DAB1: variants seen among roughly 807,000 people sequenced by gnomAD.
The protein encoded by DAB1 is disabled homolog 1.
Under a neutral mutation model 64.6 loss-of-function variants are expected in DAB1, and 15 were observed. That is an observed-to-expected ratio of 0.23 (90% CI 0.16 to 0.36). The LOEUF is 0.36. DAB1 is among the 10% of genes least tolerant of loss of function. The probability of loss-of-function intolerance (pLI) is 1.00; values close to 1 mark genes in which losing one functional copy is unlikely to be tolerated. For missense variants in DAB1, 596 were observed against 706.7 expected (o/e 0.84, Z 1.78); for synonymous variants, 235 against 251.9 (o/e 0.93, Z 0.64).
intron 7 of DAB1, among the ~76,000 whole-genome samples, chr1:57,581,638 T>G (rs1047135457): frequency 2.0e-5 from 3 of 150,902 alleles, no homozygotes; most frequent in Non-Finnish European, 4.4e-5. Context: ...CACGAAATAT[T>G]TATACACAAC....
intron 5 of DAB1, among the ~76,000 whole-genome samples, chr1:57,981,886 C>T (rs1338102841): frequency 1.3e-5 from 2 of 152,126 alleles, no homozygotes; most frequent in Non-Finnish European, 2.9e-5. Flanking sequence ...TTCTCTTAAC[C>T]CACTTGCTTT....
At chr1:57,133,607 G>A (rs1224024032) in intron 4 of DAB1, among the ~76,000 whole-genome samples, 1 of 152,158 alleles carries the variant, frequency 6.6e-6, no homozygotes, top group Non-Finnish European at 1.5e-5. Context: ...ATAAGGATTG[G>A]GATCAGGAGT....
At chr1:58,079,611 C>T (rs773003251) in intron 5 of DAB1, among the ~76,000 whole-genome samples, 13 of 147,180 alleles carry the variant, frequency 8.8e-5, no homozygotes, top group Non-Finnish European at 1.6e-4. Flanking sequence ...CAACCTCTGC[C>T]TCCCGGTTCA....
At chr1:58,423,056 T>C (rs1644787749) in intron 3 of DAB1, among the ~76,000 whole-genome samples, 1 of 152,092 alleles carries the variant, frequency 6.6e-6, no homozygotes, top group Admixed American at 6.5e-5. Context: ...ATCCCCCTTC[T>C]CCATCATACC....
chr1:58,477,944 A>G (rs1001638946), intron 3 of DAB1, among the ~76,000 whole-genome samples: 2 of 152,164 alleles, frequency 1.3e-5, no homozygotes, highest in South Asian at 4.1e-4. Flanking sequence ...TCCGTGATCT[A>G]TAATAGGGCA....
chr1:57,233,088 A>T (rs1261837988), intron 2 of DAB1, among the ~76,000 whole-genome samples: 1 of 151,804 alleles, frequency 6.6e-6, no homozygotes, highest in Non-Finnish European at 1.5e-5. Flanking sequence ...AACCGGAAAG[A>T]CTCTGGCATC....
intron 7 of DAB1, among the ~76,000 whole-genome samples, chr1:57,490,993 T>C (rs896891816): frequency 2.6e-5 from 4 of 152,242 alleles, no homozygotes; most frequent in African/African-American, 9.6e-5. Context: ...TCTTGCCACA[T>C]GCAGAGAAGG....
chr1:57,592,414 T>C (rs1645456326), intron 7 of DAB1, among the ~76,000 whole-genome samples: 1 of 152,024 alleles, frequency 6.6e-6, no homozygotes, highest in Non-Finnish European at 1.5e-5. Context: ...GTGCCCCCAT[T>C]TGAAAAGCAG....
intron 6 of DAB1, among the ~76,000 whole-genome samples, chr1:57,700,931 C>A (rs1358867124): frequency 1.3e-5 from 2 of 152,008 alleles, no homozygotes; most frequent in Admixed American, 6.6e-5. Context: ...TCCATTTATG[C>A]AGCCAAAAAA....
At position 57,418,960 on chromosome 1, in the gene DAB1, G is replaced by A. The variant is rs537764000; in HGVS notation, c.-137+4970C>T. 2.6e-5 allele frequency among the ~76,000 whole-genome samples: 4 copies of A among 152,226 alleles called. No homozygotes were observed. The South Asian group carries it at 8.3e-4, about 32-fold the overall frequency. On this transcript the variant is annotated intron_variant, in intron 1 of 14. Coordinates refer to ENST00000371236, the MANE Select transcript of DAB1 (RefSeq NM_001365792.1). ...TCCAATCAGAGGGAAATATCCAGGT[G>A]ATTAATTTGATTAATGAGTTGTTTT...
intron 5 of DAB1, among the ~76,000 whole-genome samples, chr1:57,892,889 A>G (rs971027583): frequency 1.1e-4 from 16 of 152,216 alleles, no homozygotes; most frequent in Middle Eastern, 3.4e-3. Context: ...CAACTTTTCC[A>G]ACCTTCTCTG....
intron 4 of DAB1, among the ~76,000 whole-genome samples, chr1:57,082,654 C>G (rs747649734): frequency 3.9e-5 from 6 of 152,104 alleles, no homozygotes; most frequent in Non-Finnish European, 5.9e-5. Flanking sequence ...ACACCCATAG[C>G]TATATTTACC....
intron 6 of DAB1, among the ~76,000 whole-genome samples, chr1:57,662,173 G>A (rs1033861524): frequency 1.3e-5 from 2 of 151,430 alleles, no homozygotes; most frequent in African/African-American, 4.9e-5. Flanking sequence ...TCTAGAGAAT[G>A]TTGTTCTTTG....
At chr1:58,145,962 T>A (rs1422359019) in intron 5 of DAB1, among the ~76,000 whole-genome samples, 1 of 152,158 alleles carries the variant, frequency 6.6e-6, no homozygotes, top group African/African-American at 2.4e-5. Flanking sequence ...CTCAGCCTAC[T>A]TAACATGAAA....
intron 7 of DAB1, among the ~76,000 whole-genome samples, chr1:57,564,370 T>A (rs1417503863): frequency 6.6e-6 from 1 of 151,982 alleles, no homozygotes; most frequent in African/African-American, 2.4e-5. Flanking sequence ...ATTCTAAAAA[T>A]CAGAGCGCCT....
chr1:57,597,873 TAA>T (rs1052190902), intron 7 of DAB1, among the ~76,000 whole-genome samples: 1 of 152,288 alleles, frequency 6.6e-6, no homozygotes, highest in Non-Finnish European at 1.5e-5. Context: ...TCTTAAACTT[TAA>T]AATATGCATA....
intron 2 of DAB1, among the ~76,000 whole-genome samples, chr1:57,240,474 C>A (rs1458674814): frequency 6.6e-6 from 1 of 152,158 alleles, no homozygotes; most frequent in African/African-American, 2.4e-5. Context: ...CATCCATATA[C>A]GTCTAGACAT....
At chr1:57,523,133 C>T (rs1404010758) in intron 7 of DAB1, among the ~76,000 whole-genome samples, 1 of 152,104 alleles carries the variant, frequency 6.6e-6, no homozygotes, top group Non-Finnish European at 1.5e-5. Context: ...ATATATATAT[C>T]TATTCTATTA....
chr1:57,454,110 G>C (rs976089025), intron 7 of DAB1, among the ~76,000 whole-genome samples: 6 of 152,094 alleles, frequency 3.9e-5, no homozygotes, highest in South Asian at 2.1e-4. Flanking sequence ...ACTATGCCAA[G>C]TTCTGACTTC....
Sources: gnomAD v4.1 joint callset for allele counts (sites outside exome capture counted in the v4.1 genomes callset) on GRCh38, gnomAD v4.1.1 for gene constraint, MANE v1.5 for transcripts, NCBI Gene and HGNC (gene_info 2026-07-23, HGNC 2026-07-21) for gene names.